Variants in EMG1 observed in about 807,000 individuals in gnomAD.
EMG1 encodes the protein ribosomal RNA small subunit methyltransferase NEP1.
Under a neutral mutation model 26.9 loss-of-function variants are expected in EMG1, and 24 were observed. That is an observed-to-expected ratio of 0.89 (90% CI 0.65 to 1.26). The LOEUF (loss-of-function observed/expected upper bound fraction) is 1.26, where lower values mean the gene tolerates loss of function less well. Ranked by LOEUF, EMG1 falls within the 50% of genes most tolerant of loss-of-function variation. EMG1 has a pLI of 0.00. For missense variants in EMG1, 299 were observed against 307.6 expected, an observed-to-expected ratio of 0.97 and a Z score of 0.21; for synonymous variants, 140 against 112.6, an observed-to-expected ratio of 1.24 and a Z score of -1.54.
downstream of EMG1, among the ~76,000 whole-genome samples, chr12:6,992,322 C>T (rs1262057540): frequency 1.3e-5 from 2 of 150,406 alleles, no homozygotes; most frequent in African/African-American, 4.9e-5. Context: ...AAGACCCTGC[C>T]TCAAAAAAAA....
At chr12:6,988,123 T>C (rs1946546768) in intron 7 of EMG1, 1 of 267,206 alleles carries the variant, frequency 3.7e-6, no homozygotes, top group African/African-American at 2.2e-5. Flanking sequence ...TGGTAACATC[T>C]GTTCTGGCCA....
chr12:6,988,537 A>T (rs910738356), downstream of EMG1, among the ~76,000 whole-genome samples: 2 of 152,190 alleles, frequency 1.3e-5, no homozygotes, highest in East Asian at 3.8e-4. Flanking sequence ...CTGAGCCTTA[A>T]TGCTTTTTTG....
chr12:6,984,099 A>G (rs1334133196), downstream of EMG1, among the ~76,000 whole-genome samples: 1 of 152,246 alleles, frequency 6.6e-6, no homozygotes, highest in African/African-American at 2.4e-5. Flanking sequence ...ATATAAATTA[A>G]TATCAGGCTA....
At chr12:6,981,677 C>CT (rs1565598207), downstream of EMG1, 1 of 1,456,618 alleles carries the variant, frequency 6.9e-7, no homozygotes, top group Admixed American at 1.9e-5. Flanking sequence ...GGAGAGGACA[C>CT]TGAGGATGTG....
At position 6,979,610 on chromosome 12, in the gene EMG1, CAG is replaced by C; in HGVS notation, c.*3806_*3807del. On this transcript the variant is annotated 3_prime_UTR_variant, in exon 6 of 6. Transcript: ENST00000599672. ...AAGGAACGAGTGAAGTTCCTGGTCA[CAG>C]AGAGCAGAGACTATTCCCTTCACCC... 1.4e-6 allele frequency: 2 copies of C among 1,428,970 alleles called. No homozygotes were observed. Among genetic ancestry groups the C allele is most frequent in the South Asian group, 1.1e-5 (1 of 87,062 alleles). 88.5% of individuals were successfully genotyped at this position (1,428,970 alleles called of 1,614,324 possible).
intron 7 of EMG1, among the ~76,000 whole-genome samples, chr12:6,995,405 C>T (rs747016811): frequency 3.0e-4 from 46 of 150,948 alleles, no homozygotes; most frequent in Non-Finnish European, 5.6e-4. Flanking sequence ...ACCCAGGAGG[C>T]GGAGGTTGCA....
intron 1 of EMG1, among the ~76,000 whole-genome samples, chr12:6,971,835 A>G (rs1591705984): frequency 1.3e-5 from 2 of 152,140 alleles, no homozygotes; most frequent in African/African-American, 4.8e-5. Context: ...ATATCCACCT[A>G]TGATACACTG....
downstream of EMG1, among the ~76,000 whole-genome samples, chr12:6,991,799 G>C (rs1946592361): frequency 6.6e-6 from 1 of 152,290 alleles, no homozygotes; most frequent in South Asian, 2.1e-4. Context: ...TATGCAACTT[G>C]AATAATCGCC....
intron 5 of EMG1, 61 bp downstream of exon 5, chr12:6,975,439 G>C: frequency 6.7e-7 from 1 of 1,495,022 alleles, no homozygotes; most frequent in Non-Finnish European, 9.0e-7. Flanking sequence ...AGAATTCCCA[G>C]AGCAGTAGGC....
At chr12:6,980,900 A>G (rs782033775), downstream of EMG1, 104 of 1,161,808 alleles carry the variant, frequency 9.0e-5, no homozygotes, top group East Asian at 2.3e-4. Context: ...TGCATGACTC[A>G]GGTCTCTATG....
In EMG1 at chr12:6,977,585, C is replaced by T. The variant is rs782597754; in HGVS notation, c.*1776C>T. 1.1e-5 allele frequency: 18 copies of T among 1,614,198 alleles called. No homozygotes were observed. The highest frequency in any genetic ancestry group is 3.3e-4 in the Middle Eastern group (2 of 6,062). On this transcript the variant is annotated 3_prime_UTR_variant, in exon 6 of 6. Transcript: ENST00000599672. The surrounding 1 kb of genome is among the most constrained non-coding windows in gnomAD (Gnocchi z 4.5). ...CCCTTATATTCCCCTTCACCCCCACCCTGGAGGCCTACCTGTCTTTCCACA... is the reference window on the plus strand; with the variant it reads ...CCCTTATATTCCCCTTCACCCCCACTCTGGAGGCCTACCTGTCTTTCCACA...
intron 1 of EMG1, among the ~76,000 whole-genome samples, chr12:6,973,914 C>T (rs896032694): frequency 1.3e-4 from 20 of 152,226 alleles, no homozygotes; most frequent in African/African-American, 4.8e-4. Flanking sequence ...AGGGTGGTGA[C>T]TCGATATTTT....
chr12:6,983,099 G>C (rs1555154358), downstream of EMG1: 1 of 510,708 alleles, frequency 2.0e-6, no homozygotes, highest in South Asian at 1.7e-5. Flanking sequence ...GCTTGTTACT[G>C]TATTTTTGAA....
intron 1 of EMG1, among the ~76,000 whole-genome samples, chr12:6,972,067 T>A (rs1268143610): frequency 1.6e-5 from 1 of 62,776 alleles, no homozygotes; most frequent in Non-Finnish European, 3.2e-5. Flanking sequence ...CTAAATACAC[T>A]TTTTTTTTTT....
In EMG1 at chr12:6,977,127, AAC is replaced by A; in HGVS notation, c.*1319_*1320del. On this transcript the variant is annotated 3_prime_UTR_variant, in exon 6 of 6. Coordinates refer to ENST00000599672, the MANE Select transcript of EMG1 (RefSeq NM_006331.8). The surrounding 1 kb of genome is among the most constrained non-coding windows in gnomAD (Gnocchi z 4.5). Reference sequence around the variant, plus strand: ...GTGGTAGTTTTAGTTTAGCTGTATTAACTTACCAGGGAAATGGATTATTCCAT... The same window carrying A: ...GTGGTAGTTTTAGTTTAGCTGTATTATTACCAGGGAAATGGATTATTCCAT... 1.6e-5 allele frequency: 24 copies of A among 1,520,958 alleles called. No homozygotes were observed. Among genetic ancestry groups the A allele is most frequent in the Non-Finnish European group, 2.2e-5 (24 of 1,095,640 alleles). 94.2% of individuals were successfully genotyped at this position (1,520,958 alleles called of 1,614,324 possible).
At chr12:6,981,377 G>A (rs1555154043), downstream of EMG1, 5 of 670,844 alleles carry the variant, frequency 7.5e-6, no homozygotes, top group African/African-American at 9.0e-5. Flanking sequence ...TTTAGCAAAT[G>A]CCTTGCTGGC....
chr12:6,975,814 A>G lies in EMG1; in HGVS notation c.*5A>G. ...GAAGTATGGGGGGTCATTTGACAGTAGTAGAACCTGTTCTGAAACCAGAAA... is the reference window on the plus strand; with the variant it reads ...GAAGTATGGGGGGTCATTTGACAGTGGTAGAACCTGTTCTGAAACCAGAAA... On this transcript the variant is annotated 3_prime_UTR_variant, in exon 6 of 6. Transcript: ENST00000599672. 2 of 1,539,750 alleles carry G rather than the reference A, an allele frequency of 1.3e-6. No homozygotes were observed. Among genetic ancestry groups the G allele is most frequent in the Non-Finnish European group, 1.8e-6 (2 of 1,112,286 alleles).
intron 7 of EMG1, among the ~76,000 whole-genome samples, chr12:6,996,184 C>T (rs1946634644): frequency 6.6e-6 from 1 of 152,336 alleles, no homozygotes; most frequent in South Asian, 2.1e-4. Flanking sequence ...AAAGCTTTCC[C>T]TTCCTGGAAT....
chr12:6,988,267 A>T (rs1946548111), downstream of EMG1: 3 of 153,688 alleles, frequency 2.0e-5, no homozygotes, highest in South Asian at 6.2e-4. Context: ...GGAGAAAAAT[A>T]AAAAGAATGC....
Sources: allele counts gnomAD v4.1 joint callset (sites outside exome capture counted in the v4.1 genomes callset), GRCh38; gene constraint gnomAD v4.1.1; non-coding constraint Gnocchi (gnomAD v3.1); transcripts MANE v1.5; gene names NCBI Gene and HGNC (gene_info 2026-07-23, HGNC 2026-07-21).